Variants in TTC3 observed in about 807,000 individuals in gnomAD.
The protein encoded by TTC3 is E3 ubiquitin-protein ligase TTC3.
Under a neutral mutation model 249.6 loss-of-function variants are expected in TTC3, and 180 were observed. That is an observed-to-expected ratio of 0.72 (90% CI 0.64 to 0.82). TTC3 has a LOEUF of 0.82. Among genes scored for constraint, TTC3 ranks in the 40% least tolerant of loss-of-function variants. TTC3 has a pLI of 0.00. For synonymous variants in TTC3, 717 were observed against 805.0 expected, an observed-to-expected ratio of 0.89 and a Z score of 1.85; for missense variants, 2,061 against 2,398.4, an observed-to-expected ratio of 0.86 and a Z score of 2.94.
chr21:37,130,930 T>TG (rs1185323686), intron 16 of TTC3, among the ~76,000 whole-genome samples: 1 of 152,194 alleles, frequency 6.6e-6, no homozygotes, highest in Non-Finnish European at 1.5e-5. Flanking sequence ...GTAGTGGGAT[T>TG]GCTGTATCAA....
Position 37,201,298 on chromosome 21 carries a change from G to T in TTC3, c.5944-142G>T, listed in dbSNP as rs960431255. On this transcript the variant is annotated intron_variant, in intron 45 of 45. Transcript: ENST00000355666. Reference sequence around the variant, plus strand: ...CACACTCTGGCCTGAGCGGGTGTTGGTGTCCCTGAGTATTGGGCAGCTCCA... The same window carrying T: ...CACACTCTGGCCTGAGCGGGTGTTGTTGTCCCTGAGTATTGGGCAGCTCCA... 10 of 1,004,310 alleles carry T rather than the reference G, an allele frequency of 1.0e-5. No individual in the cohort carries two copies. In the African/African-American group the frequency reaches 1.6e-4, roughly 16 times the overall value. 62.2% of individuals were successfully genotyped at this position (1,004,310 alleles called of 1,614,324 possible).
intron 26 of TTC3, among the ~76,000 whole-genome samples, chr21:37,152,379 GTT>G (rs5843795): frequency 1.0e-4 from 14 of 139,298 alleles, no homozygotes; most frequent in African/African-American, 1.3e-4. Flanking sequence ...GAACTAAGTT[GTT>G]TTTTTTTTTT....
chr21:37,118,335 T>C (rs2076324383), intron 11 of TTC3, among the ~76,000 whole-genome samples: 1 of 152,176 alleles, frequency 6.6e-6, no homozygotes, highest in Non-Finnish European at 1.5e-5. Context: ...TTTTCCTTCT[T>C]CTTAATGGGG....
chr21:37,116,106 T>A (rs186415742), intron 11 of TTC3, among the ~76,000 whole-genome samples: 17 of 152,358 alleles, frequency 1.1e-4, no homozygotes, highest in Non-Finnish European at 1.6e-4. Context: ...CACTTCACTC[T>A]TGAATCCAGA....
chr21:37,150,484 T>C (rs1421966570), intron 24 of TTC3, among the ~76,000 whole-genome samples: 1 of 152,168 alleles, frequency 6.6e-6, no homozygotes, highest in African/African-American at 2.4e-5. Context: ...TGCAGGTTTT[T>C]AGGGAGGGGG....
intron 21 of TTC3, among the ~76,000 whole-genome samples, chr21:37,146,957 G>A (rs886073623): frequency 6.6e-6 from 1 of 152,180 alleles, no homozygotes; most frequent in Non-Finnish European, 1.5e-5. Context: ...CAAAAAGCCA[G>A]CACTGGAAGC....
At chr21:37,141,418 C>CCCG (rs1555888020) in intron 20 of TTC3, among the ~76,000 whole-genome samples, 1 of 151,590 alleles carries the variant, frequency 6.6e-6, no homozygotes, top group Non-Finnish European at 1.5e-5. Flanking sequence ...GGAATCCCCC[C>CCCG]CCCAGCCATC....
At chr21:37,127,866 A>G (rs1302050902) in intron 15 of TTC3, among the ~76,000 whole-genome samples, 1 of 152,248 alleles carries the variant, frequency 6.6e-6, no homozygotes, top group Non-Finnish European at 1.5e-5. Context: ...TAGGGAGGGG[A>G]AACTCAGGCA....
intron 35 of TTC3, among the ~76,000 whole-genome samples, chr21:37,174,449 A>G (rs144680886): frequency 6.6e-6 from 1 of 152,282 alleles, no homozygotes; most frequent in African/African-American, 2.4e-5. Context: ...AGCCACAGTC[A>G]TTTCTTTATT....
Position 37,094,004 on chromosome 21 carries a change from G to T in TTC3, c.602-1G>T. ...TGCTCTCTCCTAAAAATAAAATTTA[G>T]ACAAGTACCACATAACTAAAATTGT... On this transcript the variant is annotated splice_acceptor_variant, in intron 7 of 45. Coordinates refer to ENST00000355666, the Ensembl canonical transcript of TTC3. LOFTEE classifies it high-confidence loss of function. 6.3e-7 allele frequency: 1 copy of T among 1,588,280 alleles called. No individual in the cohort carries two copies. Among genetic ancestry groups the T allele is most frequent in the South Asian group, 1.1e-5 (1 of 88,382 alleles).
intron 17 of TTC3, among the ~76,000 whole-genome samples, chr21:37,134,174 G>C (rs955131006): frequency 2.0e-5 from 3 of 152,020 alleles, no homozygotes; most frequent in Non-Finnish European, 4.4e-5. Context: ...AGCAGAGGCC[G>C]GGTGCAGGGT....
At chr21:37,176,545 A>T (rs2082297918) in intron 35 of TTC3, among the ~76,000 whole-genome samples, 2 of 152,154 alleles carry the variant, frequency 1.3e-5, no homozygotes, top group South Asian at 4.1e-4. Context: ...GCCTGCCAAA[A>T]CTTCCTCAGC....
intron 27 of TTC3, 60 bp downstream of exon 27, chr21:37,153,337 T>C (rs1457041146): frequency 1.4e-6 from 2 of 1,424,886 alleles, no homozygotes; most frequent in East Asian, 2.3e-5. Context: ...TGTAGGTCTC[T>C]GAGTCATTTT....
intron 18 of TTC3, among the ~76,000 whole-genome samples, chr21:37,137,496 G>A (rs1183370445): frequency 6.6e-6 from 1 of 152,200 alleles, no homozygotes; most frequent in African/African-American, 2.4e-5. Flanking sequence ...AAGAGAATTA[G>A]AAGTGGAGCC....
chr21:37,082,465 C>T, intron 1 of TTC3: 1 of 984,970 alleles, frequency 1.0e-6, no homozygotes, highest in African/African-American at 1.7e-5. Context: ...TGCTTGCTTT[C>T]TGAAAGCATT....
intron 23 of TTC3, among the ~76,000 whole-genome samples, chr21:37,148,872 G>C (rs1026530106): frequency 9.2e-5 from 14 of 152,078 alleles, no homozygotes; most frequent in African/African-American, 3.4e-4. Flanking sequence ...TGTTGCCCAG[G>C]CTAGAGTGCA....
At chr21:37,162,123 TG>T (rs2080818400) in intron 31 of TTC3, 60 bp downstream of exon 31, 2 of 1,088,718 alleles carry the variant, frequency 1.8e-6, no homozygotes, top group Admixed American at 4.9e-5. Flanking sequence ...CTTAATAAGT[TG>T]TGTTAATTTA....
At chr21:37,201,027 G>A (rs1237870160) in intron 45 of TTC3, among the ~76,000 whole-genome samples, 2 of 152,240 alleles carry the variant, frequency 1.3e-5, no homozygotes, top group Non-Finnish European at 2.9e-5. Context: ...CAGCAGGAGT[G>A]TGGCGTGCAG....
intron 15 of TTC3, 43 bp from the exon 16 acceptor site, chr21:37,128,960 T>G: frequency 6.9e-7 from 1 of 1,443,824 alleles, no homozygotes; most frequent in East Asian, 2.5e-5. Flanking sequence ...GCTTGTAGAT[T>G]TTTATGTACA....
Sources: allele counts gnomAD v4.1 joint callset (sites outside exome capture counted in the v4.1 genomes callset), GRCh38; gene constraint gnomAD v4.1.1; transcripts MANE v1.5; gene names NCBI Gene and HGNC (gene_info 2026-07-23, HGNC 2026-07-21).